ACOT1: variants seen among roughly 807,000 people sequenced by gnomAD.
ACOT1 encodes acyl-coenzyme A thioesterase 1.
In ACOT1, 8 loss-of-function variants were observed where a neutral mutation model predicts 15.7. The observed-to-expected ratio is 0.51, with a 90% CI of 0.30 to 0.92. The LOEUF is 0.92. Ranked by LOEUF, ACOT1 falls within the 40% of genes least tolerant of loss-of-function variation. The pLI, the probability that ACOT1 is intolerant of heterozygous loss-of-function variation, is 0.06. For synonymous variants in ACOT1, 67 were observed against 241.2 expected (o/e 0.28, Z 6.69); for missense variants, 151 against 539.4 (o/e 0.28, Z 7.13).
the ACOT1 span, among the ~76,000 whole-genome samples, chr14:73,509,153 G>T: frequency 6.6e-6 from 1 of 152,016 alleles, no homozygotes; most frequent in East Asian, 1.9e-4. Context: ...AGGTGTGAGC[G>T]ACAGTGTCTG....
the ACOT1 span, chr14:73,519,084 C>G: frequency 6.2e-7 from 1 of 1,614,088 alleles, no homozygotes; most frequent in Middle Eastern, 1.6e-4. Flanking sequence ...CCTTAGATAG[C>G]TGCTTGTTGT....
chr14:73,518,327 C>G, the ACOT1 span, among the ~76,000 whole-genome samples: 1 of 151,068 alleles, frequency 6.6e-6, no homozygotes, highest in Non-Finnish European at 1.5e-5. Flanking sequence ...TTGCTTGAAC[C>G]AGGAAGATGG....
At chr14:73,535,780 C>CT (rs1288626545), upstream of ACOT1, among the ~76,000 whole-genome samples, 108 of 114,762 alleles carry the variant, frequency 9.4e-4, 23 homozygotes, top group African/African-American at 2.9e-3. Flanking sequence ...CGCCTGGCCC[C>CT]TTTTTCTTGT....
the ACOT1 span, chr14:73,511,976 G>T: frequency 6.2e-7 from 1 of 1,613,350 alleles, no homozygotes; most frequent in South Asian, 1.1e-5. Context: ...AGTTGCTTAT[G>T]TTCTCAAGCA....
At chr14:73,496,796 C>T in the ACOT1 span, 4 of 653,402 alleles carry the variant, frequency 6.1e-6, no homozygotes, top group South Asian at 7.2e-5. Flanking sequence ...CCTAACTGTG[C>T]AGTTTTGCTG....
At chr14:73,496,702 T>TAG in the ACOT1 span, 1 of 1,275,446 alleles carries the variant, frequency 7.8e-7, no homozygotes. Flanking sequence ...AAGGGCTTCT[T>TAG]AGATTATTCT....
upstream of ACOT1, among the ~76,000 whole-genome samples, chr14:73,533,674 CA>C (rs1888779443): frequency 9.1e-6 from 1 of 109,446 alleles, no homozygotes; most frequent in Non-Finnish European, 2.0e-5. Flanking sequence ...AGCAAGACTC[CA>C]AAAGTTCTGG....
the ACOT1 span, among the ~76,000 whole-genome samples, chr14:73,499,617 T>A: frequency 1.3e-5 from 2 of 152,196 alleles, no homozygotes; most frequent in Non-Finnish European, 2.9e-5. Context: ...TACCAACCTA[T>A]ATGCATAGTG....
chr14:73,493,332 C>G, the ACOT1 span: 1 of 530,538 alleles, frequency 1.9e-6, no homozygotes, highest in East Asian at 3.1e-5. Flanking sequence ...GGGTCAGTAT[C>G]CTGTTTGTTA....
chr14:73,491,718 A>C, the ACOT1 span: 2 of 1,551,146 alleles, frequency 1.3e-6, no homozygotes, highest in Non-Finnish European at 1.7e-6. Flanking sequence ...CGGCGGCAGG[A>C]CCACACCTAC....
chr14:73,499,297 A>G, the ACOT1 span, among the ~76,000 whole-genome samples: 1 of 152,160 alleles, frequency 6.6e-6, no homozygotes, highest in Non-Finnish European at 1.5e-5. Flanking sequence ...CCTGGCCAAC[A>G]TGGTGAAACC....
At chr14:73,494,344 G>T in the ACOT1 span, among the ~76,000 whole-genome samples, 23 of 152,116 alleles carry the variant, frequency 1.5e-4, no homozygotes, top group African/African-American at 5.6e-4. Flanking sequence ...GTATATTTTG[G>T]TACAGTTTGA....
At chr14:73,502,423 C>T in the ACOT1 span, among the ~76,000 whole-genome samples, 1 of 152,170 alleles carries the variant, frequency 6.6e-6, no homozygotes, top group South Asian at 2.1e-4. Context: ...CTACTGGGCA[C>T]TCAATGCTTC....
At chr14:73,522,741 T>A in the ACOT1 span, 3,015 of 1,614,198 alleles carry the variant, frequency 1.9e-3, 63 homozygotes, top group African/African-American at 0.034. Context: ...GAGCTTTCTG[T>A]CTTCACAGCC....
the ACOT1 span, chr14:73,500,597 G>A: frequency 1.5e-5 from 25 of 1,613,826 alleles, no homozygotes; most frequent in Admixed American, 5.0e-5. Context: ...CAGGCTGCCC[G>A]CCGAACTGCT....
the ACOT1 span, among the ~76,000 whole-genome samples, chr14:73,513,758 T>A: frequency 0.012 from 739 of 59,982 alleles, 2 homozygotes; most frequent in African/African-American, 0.016. Flanking sequence ...AAAAAAAAAA[T>A]GGTCTCTGCC....
At position 73,541,607 on chromosome 14, in the gene ACOT1, A is replaced by G; in HGVS notation, c.572A>G (p.Tyr191Cys). ...KGFAVMALAY[Y>C]NYEDLPKTME... is the part of the protein sequence containing the mutation. ...TTTGCTGTGATGGCTCTGGCTTACT[A>G]TAACTATGAAGACCTCCCCAAGACC... The change falls in exon 2 of 3, where the codon TAT becomes TGT. Residue 191 changes from tyrosine (Y) to cysteine (C), a missense_variant. Physicochemically the swap from Tyr to Cys is radical, Grantham distance 194 (BLOSUM62 -2). Transcript: ENST00000311148. 3 of 1,243,382 alleles carry G rather than the reference A, an allele frequency of 2.4e-6. 1 individual carries two copies. Among genetic ancestry groups the G allele is most frequent in the Non-Finnish European group, 3.2e-6 (3 of 935,986 alleles). 77.0% of individuals were successfully genotyped at this position (1,243,382 alleles called of 1,614,324 possible). A position where few individuals can be genotyped will look rare whatever the true frequency, so the allele number is the denominator to read the frequency against.
intron 2 of ACOT1, 125 bp downstream of exon 2, chr14:73,541,820 T>A (rs1889097087): frequency 1.5e-6 from 1 of 648,884 alleles, no homozygotes; most frequent in South Asian, 1.8e-5. Context: ...CTACCTTTTT[T>A]AGTCACTTCT....
At chr14:73,501,569 C>CTTT in the ACOT1 span, among the ~76,000 whole-genome samples, 755 of 108,132 alleles carry the variant, frequency 7.0e-3, 21 homozygotes, top group African/African-American at 0.025. Context: ...GTCTCTCTCT[C>CTTT]TTTTTTTTTT....
Sources: gnomAD v4.1 joint callset for allele counts (sites outside exome capture counted in the v4.1 genomes callset) on GRCh38, gnomAD v4.1.1 for gene constraint, MANE v1.5 for transcripts, NCBI Gene and HGNC (gene_info 2026-07-23, HGNC 2026-07-21) for gene names.